CFAP52: variants seen among roughly 807,000 people sequenced by gnomAD.
CFAP52 encodes the protein cilia- and flagella-associated protein 52.
CFAP52 carries 57 observed loss-of-function variants against 70.5 expected under a neutral mutation model. The observed-to-expected ratio is 0.81, with a 90% confidence interval of 0.65 to 1.01. The LOEUF is 1.01. Among genes scored for constraint, CFAP52 ranks in the 50% least tolerant of loss-of-function variants. CFAP52 has a pLI of 0.00. For synonymous variants in CFAP52, 267 were observed against 292.5 expected, an observed-to-expected ratio of 0.91 and a Z score of 0.89; for missense variants, 785 against 788.5, an observed-to-expected ratio of 1.00 and a Z score of 0.05.
At chr17:9,608,244 G>C (rs901952529) in intron 7 of CFAP52, 25 bp downstream of exon 7, 8 of 1,571,492 alleles carry the variant, frequency 5.1e-6, no homozygotes, top group Non-Finnish European at 6.9e-6. Flanking sequence ...TCACACAGTG[G>C]GGCTGGGTAG....
At chr17:9,586,620 T>G in intron 2 of CFAP52, 78 bp from the exon 3 acceptor site, 1 of 1,474,674 alleles carries the variant, frequency 6.8e-7, no homozygotes, top group South Asian at 1.5e-5. Flanking sequence ...ACTAATTGTT[T>G]TTCACCAAGA....
At chr17:9,586,568 CAAAAAAAAAAAA>C (rs11296135) in intron 2 of CFAP52, 118 bp from the exon 3 acceptor site, 3 of 894,812 alleles carry the variant, frequency 3.4e-6, no homozygotes, top group Non-Finnish European at 3.0e-6. Context: ...TCCGTCTCAA[CAAAAAAAAAAAA>C]AAAAAGAAAG....
At chr17:9,632,752 C>A in intron 9 of CFAP52, 136 bp from the exon 10 acceptor site, 1 of 1,289,918 alleles carries the variant, frequency 7.8e-7, no homozygotes, top group Non-Finnish European at 1.0e-6. Context: ...TGGTGACCAG[C>A]ATTCAGCTGA....
Position 9,635,380 on chromosome 17 carries a change from A to C in CFAP52, c.1321-25A>C, listed in dbSNP as rs774546371. On this transcript the variant is annotated intron_variant, in intron 10 of 13. Transcript: ENST00000352665. The stretch of plus-strand genomic sequence containing the variant: ...CTTCAGAAGTCCCAAGTGTGGATCA[A>C]GATCCTGTGCTCTGTGGCTTTCAGG... 6.2e-6 allele frequency: 10 copies of C among 1,612,956 alleles called. No individual in the cohort carries two copies. The East Asian group carries it at 6.7e-5, about 11-fold the overall frequency.
intron 2 of CFAP52, 131 bp downstream of exon 2, chr17:9,586,103 CT>C: frequency 1.1e-6 from 1 of 947,644 alleles, no homozygotes; most frequent in Non-Finnish European, 1.5e-6. Flanking sequence ...TTTGACTTCT[CT>C]TTTAACCCAT....
rs1199571702 is a variant in CFAP52 at position 9,596,104 on chromosome 17, T to C, written c.536+1783T>C. Among the ~76,000 whole-genome samples, 80 of 125,454 alleles carry C rather than the reference T, an allele frequency of 6.4e-4. 1 individual carries two copies. The highest frequency in any genetic ancestry group is 9.7e-4 in the Non-Finnish European group (58 of 59,856). The allele number at this position is 125,454 out of a possible 152,430, so 82.3% of individuals were successfully genotyped here. The stretch of plus-strand genomic sequence containing the variant: ...ATATATATATATATATATATATATG[T>C]ACACATATAGAGAGAGACAGACTCT... On this transcript the variant is annotated intron_variant, in intron 4 of 13. Transcript: ENST00000352665.
chr17:9,629,304 A>T (rs1197717144), intron 9 of CFAP52, among the ~76,000 whole-genome samples: 2 of 152,184 alleles, frequency 1.3e-5, no homozygotes, highest in Non-Finnish European at 2.9e-5. Context: ...GTTTTCCTTT[A>T]AAACAGTAAT....
intron 1 of CFAP52, chr17:9,584,237 A>G (rs538732918): frequency 1.6e-6 from 2 of 1,272,610 alleles, no homozygotes; most frequent in South Asian, 1.3e-5. Flanking sequence ...AAGCAAAACA[A>G]TAATTACATT....
At chr17:9,638,515 A>G (rs1164818062) in intron 11 of CFAP52, 94 bp from the exon 12 acceptor site, 2 of 1,225,678 alleles carry the variant, frequency 1.6e-6, no homozygotes, top group African/African-American at 1.5e-5. Context: ...AAACCAACCC[A>G]AATCCCAGCT....
chr17:9,599,088 C>T (rs1289832386), intron 5 of CFAP52, among the ~76,000 whole-genome samples: 1 of 152,126 alleles, frequency 6.6e-6, no homozygotes, highest in South Asian at 2.1e-4. Flanking sequence ...GTTGCATATT[C>T]CTTATCTGAC....
At chr17:9,586,961 CA>C in intron 3 of CFAP52, 127 bp downstream of exon 3, 2 of 1,183,414 alleles carry the variant, frequency 1.7e-6, no homozygotes, top group Non-Finnish European at 2.3e-6. Flanking sequence ...CAGATTATTT[CA>C]TCAACCAGGT....
At chr17:9,576,843 C>G in intron 1 of CFAP52, 78 bp downstream of exon 1, 2 of 1,442,484 alleles carry the variant, frequency 1.4e-6, no homozygotes, top group Non-Finnish European at 1.9e-6. Flanking sequence ...TAGTGAGACA[C>G]CGGGGACACC....
At chr17:9,630,784 G>A (rs1910444438) in intron 9 of CFAP52, among the ~76,000 whole-genome samples, 1 of 150,202 alleles carries the variant, frequency 6.7e-6, no homozygotes, top group Non-Finnish European at 1.5e-5. Context: ...TCAGGAGTTT[G>A]AGAACAGCCT....
At chr17:9,591,030 C>CTTTTTTTTT (rs34888799) in intron 3 of CFAP52, among the ~76,000 whole-genome samples, 21 of 76,774 alleles carry the variant, frequency 2.7e-4, no homozygotes, top group East Asian at 5.0e-4. Flanking sequence ...TTGCATGCAT[C>CTTTTTTTTT]TTTTTTTTTT....
rs1177876247 is a variant in CFAP52, at chr17:9,641,727, G to T, written c.1579G>T (p.Ala527Ser). 3 of 1,612,062 alleles carry T rather than the reference G, an allele frequency of 1.9e-6. No individual in the cohort carries two copies. Among genetic ancestry groups the T allele is most frequent in the Admixed American group, 3.3e-5 (2 of 59,988 alleles). Residue 527 changes from alanine to serine, a missense_variant, in exon 13 of 14, where the codon GCT (alanine) becomes TCT (serine). By Grantham distance (99) the Ala-to-Ser change is moderately conservative (BLOSUM62 1). Coordinates refer to ENST00000352665, the MANE Select transcript of CFAP52 (RefSeq NM_145054.5). Reference sequence around the variant, plus strand: ...ATGCTTCTTTCCTGAATTCCAGATTGCTTACTGGGAAGTATTTGATGGGAC... The same window carrying T: ...ATGCTTCTTTCCTGAATTCCAGATTTCTTACTGGGAAGTATTTGATGGGAC... ...IITSGTDRKI[A>S]YWEVFDGTVI...
intron 1 of CFAP52, among the ~76,000 whole-genome samples, chr17:9,584,977 G>A (rs1321856177): frequency 2.6e-5 from 4 of 152,126 alleles, no homozygotes; most frequent in African/African-American, 4.8e-5. Context: ...CATTTGTAAA[G>A]ACATGGATTA....
chr17:9,608,654 A>G (rs1909600442), intron 7 of CFAP52, among the ~76,000 whole-genome samples: 1 of 152,230 alleles, frequency 6.6e-6, no homozygotes, highest in Non-Finnish European at 1.5e-5. Context: ...AATTTATAAT[A>G]GAAATAGCCA....
At chr17:9,616,090 G>T (rs1909900469) in intron 8 of CFAP52, among the ~76,000 whole-genome samples, 1 of 150,926 alleles carries the variant, frequency 6.6e-6, no homozygotes. Flanking sequence ...TGAGGTACCG[G>T]GTTCATCTCA....
chr17:9,633,875 G>T (rs1910660904), intron 10 of CFAP52, among the ~76,000 whole-genome samples: 1 of 151,620 alleles, frequency 6.6e-6, no homozygotes, highest in Non-Finnish European at 1.5e-5. Context: ...TAGAGACGGG[G>T]TTTCACCGTG....
Sources: allele counts gnomAD v4.1 joint callset (sites outside exome capture counted in the v4.1 genomes callset), GRCh38; gene constraint gnomAD v4.1.1; transcripts MANE v1.5; gene names NCBI Gene and HGNC (gene_info 2026-07-23, HGNC 2026-07-21).